The following ARHGAP24 variants were observed in gnomAD, a reference collection of about 807,000 sequenced individuals.
ARHGAP24 encodes Rho GTPase activating protein 24.
In ARHGAP24, 50 loss-of-function variants were observed where a neutral mutation model predicts 76.4. The ratio of observed to expected loss-of-function variants is 0.65; its 90% CI spans 0.52 to 0.83. The LOEUF (loss-of-function observed/expected upper bound fraction) is 0.83, where lower values mean the gene tolerates loss of function less well. Among genes scored for constraint, ARHGAP24 ranks in the 40% least tolerant of loss-of-function variants. ARHGAP24 has a pLI of 0.00. For missense variants in ARHGAP24, 930 were observed against 914.2 expected, an observed-to-expected ratio of 1.02 and a Z score of -0.22; for synonymous variants, 345 against 323.3, an observed-to-expected ratio of 1.07 and a Z score of -0.72.
At chr4:85,943,836 C>T (rs557688232) in intron 5 of ARHGAP24, among the ~76,000 whole-genome samples, 21 of 151,576 alleles carry the variant, frequency 1.4e-4, no homozygotes, top group African/African-American at 4.8e-4. Flanking sequence ...ATATGTGCCA[C>T]ATTTTCTTTA....
chr4:85,936,561 ATTAT>A (rs2148821136), intron 4 of ARHGAP24, among the ~76,000 whole-genome samples: 1 of 152,048 alleles, frequency 6.6e-6, no homozygotes, highest in South Asian at 2.1e-4. Context: ...TCTAATATTT[ATTAT>A]AATAATAATA....
chr4:85,834,732 G>A (rs1042762899), intron 3 of ARHGAP24, among the ~76,000 whole-genome samples: 1 of 152,178 alleles, frequency 6.6e-6, no homozygotes, highest in Non-Finnish European at 1.5e-5. Context: ...TGGGATGAAG[G>A]CCTCAATCTA....
chr4:85,505,689 A>G (rs951857365), intron 1 of ARHGAP24, among the ~76,000 whole-genome samples: 1 of 151,804 alleles, frequency 6.6e-6, no homozygotes, highest in Admixed American at 6.6e-5. Context: ...CAGCTCAGAG[A>G]AGATTGTTAT....
chr4:85,832,619 T>G (rs1223411886), intron 3 of ARHGAP24, among the ~76,000 whole-genome samples: 1 of 152,186 alleles, frequency 6.6e-6, no homozygotes, highest in Non-Finnish European at 1.5e-5. Context: ...ATATACCCCA[T>G]TAACTTAGGC....
chr4:85,857,345 A>G (rs1257129988), intron 3 of ARHGAP24, among the ~76,000 whole-genome samples: 1 of 152,240 alleles, frequency 6.6e-6, no homozygotes, highest in Non-Finnish European at 1.5e-5. Context: ...AAAAGTAAAT[A>G]CATAATGTAG....
chr4:85,553,936 T>C (rs1726248741), intron 1 of ARHGAP24, among the ~76,000 whole-genome samples: 1 of 152,218 alleles, frequency 6.6e-6, no homozygotes, highest in South Asian at 2.1e-4. Context: ...AAGTGTGTTT[T>C]TGTAGTGGTG....
At chr4:85,605,415 A>G (rs1720161170) in intron 2 of ARHGAP24, among the ~76,000 whole-genome samples, 1 of 152,204 alleles carries the variant, frequency 6.6e-6, no homozygotes, top group South Asian at 2.1e-4. Flanking sequence ...GATTTATTCT[A>G]AGGAAATAAT....
chr4:85,712,771 G>A (rs545180904), intron 2 of ARHGAP24, among the ~76,000 whole-genome samples: 1 of 152,154 alleles, frequency 6.6e-6, no homozygotes, highest in South Asian at 2.1e-4. Context: ...TCTCTGTCAC[G>A]CTCTTTAATC....
chr4:85,972,156 G>A lies in ARHGAP24; in HGVS notation c.720G>A (p.Lys240=). The A allele has an allele frequency of 1.2e-6, 2 of 1,613,578 alleles. No individual in the cohort carries two copies. The highest frequency in any genetic ancestry group is 1.1e-5 in the South Asian group (1 of 91,052). Residue 240 remains lysine (K), a synonymous_variant, in exon 6 of 10, where the codon AAG becomes AAA. Coordinates refer to ENST00000395184, the MANE Select transcript of ARHGAP24 (RefSeq NM_001025616.3). The stretch of plus-strand genomic sequence containing the variant: ...TGTCATGTGCCAAACTGCTCAGCAA[G>A]GAAGAGGAAGCAGTAAGTTGATGCA... The part of the protein sequence containing the change: ...DFLSCAKLLS[K]EEEAGVKELA...
At chr4:85,951,261 G>A (rs2148832503) in intron 5 of ARHGAP24, among the ~76,000 whole-genome samples, 1 of 152,172 alleles carries the variant, frequency 6.6e-6, no homozygotes, top group South Asian at 2.1e-4. Flanking sequence ...GAGATACACA[G>A]GGAGGGGAAA....
At chr4:85,873,784 A>AT (rs1732670786) in intron 3 of ARHGAP24, among the ~76,000 whole-genome samples, 1 of 152,170 alleles carries the variant, frequency 6.6e-6, no homozygotes, top group African/African-American at 2.4e-5. Flanking sequence ...ACTGAAGCTG[A>AT]TGTCTGCTTC....
At chr4:85,663,730 G>C (rs1475659469) in intron 2 of ARHGAP24, among the ~76,000 whole-genome samples, 15 of 151,846 alleles carry the variant, frequency 9.9e-5, no homozygotes, top group South Asian at 2.1e-4. Context: ...TAGCATGAAG[G>C]GTTGTTGAAT....
chr4:85,524,702 G>A (rs1176675015), intron 1 of ARHGAP24, among the ~76,000 whole-genome samples: 2 of 152,220 alleles, frequency 1.3e-5, no homozygotes, highest in Non-Finnish European at 2.9e-5. Flanking sequence ...TTAACTTGCA[G>A]CCCATGCTGG....
chr4:85,569,976 T>C (rs1445895414), intron 1 of ARHGAP24, among the ~76,000 whole-genome samples: 1 of 152,226 alleles, frequency 6.6e-6, no homozygotes, highest in Non-Finnish European at 1.5e-5. Context: ...TTAGTTTGTT[T>C]ATAGAAATTC....
In ARHGAP24 at chr4:85,942,111, G is replaced by C. The variant is rs772040676; in HGVS notation, c.437G>C (p.Arg146Thr). Residue 146 changes from arginine to threonine, a missense_variant, in exon 5 of 10, where the codon AGA becomes ACA. By Grantham distance (71) the Arg-to-Thr change is moderately conservative. Transcript: ENST00000395184. The part of the protein sequence containing the change: ...KLEDTVRYEK[R>T]YGNRLAPMLV... The stretch of plus-strand genomic sequence containing the variant: ...GAGGATACTGTTCGTTATGAGAAGA[G>C]ATATGGGAACCGTCTGGCTCCGATG... 8.7e-6 allele frequency: 14 copies of C among 1,613,822 alleles called. No individual in the cohort carries two copies. Among genetic ancestry groups the C allele is most frequent in the African/African-American group, 4.0e-5 (3 of 74,872 alleles).
intron 3 of ARHGAP24, among the ~76,000 whole-genome samples, chr4:85,879,916 C>A (rs527692327): frequency 3.9e-4 from 60 of 152,060 alleles, no homozygotes; most frequent in Middle Eastern, 3.4e-3. Context: ...AAGGAGCAGG[C>A]AACCTGGATT....
rs111410344 is a variant in ARHGAP24 at position 85,755,626 on chromosome 4, G to GTTTTTTTTTTTTTT, written c.268+33658_268+33659insTTTTTTTTTTTTTT. ...TTCTATGGGAAGCTTCTATTCTTTT[G>GTTTTTTTTTTTTTT]TTTTGTTTTGTTTTGTTTTGTTTTG... On this transcript the variant is annotated intron_variant, in intron 3 of 9. Coordinates refer to ENST00000395184, the MANE Select transcript of ARHGAP24 (RefSeq NM_001025616.3). Among the ~76,000 whole-genome samples the GTTTTTTTTTTTTTT allele has an allele frequency of 2.0e-4, 24 of 117,348 alleles. 6 individuals carry two copies. The highest frequency in any genetic ancestry group is 2.9e-4 in the South Asian group (1 of 3,430). 77.0% of individuals were successfully genotyped at this position (117,348 alleles called of 152,430 possible).
At chr4:85,719,164 A>G (rs531923779) in intron 2 of ARHGAP24, among the ~76,000 whole-genome samples, 44 of 152,344 alleles carry the variant, frequency 2.9e-4, no homozygotes, top group African/African-American at 8.9e-4. Context: ...TAGAAACCAT[A>G]TAGATTAAAT....
chr4:85,626,573 G>A (rs1278697916), intron 2 of ARHGAP24, among the ~76,000 whole-genome samples: 3 of 152,152 alleles, frequency 2.0e-5, no homozygotes, highest in African/African-American at 4.8e-5. Flanking sequence ...CTCTTCTCGA[G>A]GAGTAATTTT....
Sources: gnomAD v4.1 joint callset for allele counts (sites outside exome capture counted in the v4.1 genomes callset) on GRCh38, gnomAD v4.1.1 for gene constraint, MANE v1.5 for transcripts, NCBI Gene and HGNC (gene_info 2026-07-23, HGNC 2026-07-21) for gene names.